TSPAN9: variants seen among roughly 807,000 people sequenced by gnomAD.
TSPAN9 encodes tetraspanin-9.
In TSPAN9, 16 loss-of-function variants were observed where a neutral mutation model predicts 31.0. That is an observed-to-expected ratio of 0.52 (90% CI 0.35 to 0.78). The LOEUF is 0.78. Among genes scored for constraint, TSPAN9 ranks in the 30% least tolerant of loss-of-function variants. The probability of loss-of-function intolerance (pLI) is 0.01; values close to 1 mark genes in which losing one functional copy is unlikely to be tolerated. For missense variants in TSPAN9, 272 were observed against 312.5 expected (o/e 0.87, Z 0.98); for synonymous variants, 145 against 121.6 (o/e 1.19, Z -1.27).
intron 3 of TSPAN9, among the ~76,000 whole-genome samples, chr12:3,207,796 G>A (rs2098376127): frequency 7.0e-6 from 1 of 143,752 alleles, no homozygotes. Context: ...TGGGTGACCG[G>A]CCAAGGAGGA....
At chr12:3,218,108 A>G (rs1034271279) in intron 3 of TSPAN9, among the ~76,000 whole-genome samples, 1 of 152,052 alleles carries the variant, frequency 6.6e-6, no homozygotes, top group Admixed American at 6.5e-5. Context: ...GGATGTGTAC[A>G]GATTTTGGGT....
chr12:3,132,844 C>T (rs544724855), intron 2 of TSPAN9, among the ~76,000 whole-genome samples: 9 of 152,200 alleles, frequency 5.9e-5, no homozygotes, highest in South Asian at 4.2e-4. Flanking sequence ...TCGTCCCCAC[C>T]GCCCGCCTGT....
intron 2 of TSPAN9, among the ~76,000 whole-genome samples, chr12:3,159,202 A>G (rs2098343816): frequency 6.6e-6 from 1 of 151,456 alleles, no homozygotes; most frequent in South Asian, 2.1e-4. Context: ...AGGGTGAAGT[A>G]GAAAGCACAC....
intron 2 of TSPAN9, among the ~76,000 whole-genome samples, chr12:3,165,040 G>A (rs1025366840): frequency 1.3e-5 from 2 of 152,314 alleles, no homozygotes; most frequent in Admixed American, 6.5e-5. Context: ...TGGCCTGGCC[G>A]TAGAGGGGTA....
At chr12:3,117,308 C>T (rs560013476) in intron 2 of TSPAN9, among the ~76,000 whole-genome samples, 2 of 152,156 alleles carry the variant, frequency 1.3e-5, no homozygotes, top group South Asian at 2.1e-4. Context: ...AGGGCAGAGT[C>T]GGTGGTACAT....
At chr12:3,179,556 A>C (rs1038075837) in intron 2 of TSPAN9, among the ~76,000 whole-genome samples, 1 of 152,210 alleles carries the variant, frequency 6.6e-6, no homozygotes, top group Non-Finnish European at 1.5e-5. Context: ...TGAGGCAGAC[A>C]GCTGAGTAGA....
intron 2 of TSPAN9, among the ~76,000 whole-genome samples, chr12:3,152,227 C>T (rs1014691475): frequency 1.3e-5 from 2 of 152,220 alleles, no homozygotes; most frequent in African/African-American, 4.8e-5. Flanking sequence ...CACTTCCCAG[C>T]CCTCCTTGCC....
At position 3,278,441 on chromosome 12, in the gene TSPAN9, G is replaced by T. The variant is rs576639618; in HGVS notation, c.84G>T (p.Leu28=). ...LIFWLCGCGL[L]GVGIWLSVSQ... is the part of the protein sequence containing the mutation. ...TCCAGCTCTGTGGCTGTGGGCTGCT[G>T]GGAGTGGGCATCTGGCTCTCCGTGT... The change falls in exon 4 of 9, where the codon CTG becomes CTT. Residue 28 remains leucine (L), a synonymous_variant. Transcript: ENST00000011898. The T allele has an allele frequency of 6.2e-7, 1 of 1,614,208 alleles. No individual in the cohort carries two copies. Among genetic ancestry groups the T allele is most frequent in the Admixed American group, 1.7e-5 (1 of 60,034 alleles).
chr12:3,141,551 G>A (rs1591645512), intron 2 of TSPAN9, among the ~76,000 whole-genome samples: 1 of 152,120 alleles, frequency 6.6e-6, no homozygotes, highest in East Asian at 1.9e-4. Flanking sequence ...CCGTCACCCA[G>A]TGGCCTGTCC....
rs936911428 is a variant in TSPAN9, at chr12:3,187,804, G to T, written c.-17-13373G>T. Among the ~76,000 whole-genome samples the T allele has an allele frequency of 6.6e-6, 1 of 152,114 alleles. No homozygotes were observed. Among genetic ancestry groups the T allele is most frequent in the Non-Finnish European group, 1.5e-5 (1 of 68,036 alleles). On this transcript the variant is annotated intron_variant, in intron 2 of 8. Transcript: ENST00000011898. This position sits in a 1 kb window ranked among gnomAD's most constrained non-coding sequence, Gnocchi z 5.2. ...CCAACACGTACCCCTTCTCCAAGAA[G>T]CCCTTCCTGATGGGCCAGACTCTCC...
chr12:3,247,347 C>T (rs647066), intron 3 of TSPAN9, among the ~76,000 whole-genome samples: 108,959 of 128,490 alleles, frequency 0.85, 48,195 homozygotes, highest in Non-Finnish European at 0.98. Flanking sequence ...GAGTGCCAGT[C>T]GCCAGATGGT....
intron 2 of TSPAN9, among the ~76,000 whole-genome samples, chr12:3,177,720 A>G (rs1293143827): frequency 2.6e-5 from 4 of 152,244 alleles, no homozygotes; most frequent in Non-Finnish European, 5.9e-5. Flanking sequence ...GGTGTGAGCA[A>G]CCGCACCCAG....
At chr12:3,201,498 C>T (rs1016357857) in intron 3 of TSPAN9, among the ~76,000 whole-genome samples, 45 of 152,224 alleles carry the variant, frequency 3.0e-4, no homozygotes, top group African/African-American at 1.1e-3. Flanking sequence ...TTGCTCTACT[C>T]CTAGGAGGCT....
intron 2 of TSPAN9, among the ~76,000 whole-genome samples, chr12:3,097,547 T>C (rs773467659): frequency 5.9e-5 from 9 of 152,142 alleles, no homozygotes; most frequent in Admixed American, 1.3e-4. Context: ...GAAGGGACTA[T>C]GGCAGGGAGG....
At chr12:3,086,493 T>A (rs937532912) in intron 2 of TSPAN9, among the ~76,000 whole-genome samples, 3 of 152,208 alleles carry the variant, frequency 2.0e-5, no homozygotes, top group Non-Finnish European at 4.4e-5. Flanking sequence ...CCATTTCTAC[T>A]CTCAATGGTC....
At chr12:3,124,310 G>T (rs555663939) in intron 2 of TSPAN9, among the ~76,000 whole-genome samples, 93 of 152,214 alleles carry the variant, frequency 6.1e-4, no homozygotes, top group African/African-American at 2.1e-3. Context: ...TCATAATTCT[G>T]TTCTTTGGAG....
intron 2 of TSPAN9, among the ~76,000 whole-genome samples, chr12:3,115,471 T>A (rs545074809): frequency 6.6e-6 from 1 of 152,356 alleles, no homozygotes; most frequent in African/African-American, 2.4e-5. Context: ...CAGGTGGTCT[T>A]AGCTCAGGCT....
At chr12:3,125,676 C>T (rs1429426056) in intron 2 of TSPAN9, among the ~76,000 whole-genome samples, 4 of 151,672 alleles carry the variant, frequency 2.6e-5, no homozygotes, top group African/African-American at 4.8e-5. Context: ...GAAGAATTTG[C>T]GACTCCTGCC....
chr12:3,150,363 A>G (rs570337920), intron 2 of TSPAN9, among the ~76,000 whole-genome samples: 1 of 152,194 alleles, frequency 6.6e-6, no homozygotes, highest in Non-Finnish European at 1.5e-5. Context: ...GGGGGGCAGG[A>G]ATGGGGAGGG....
Sources: gnomAD v4.1 joint callset for allele counts (sites outside exome capture counted in the v4.1 genomes callset) on GRCh38, gnomAD v4.1.1 for gene constraint, Gnocchi (gnomAD v3.1) non-coding constraint, MANE v1.5 for transcripts, NCBI Gene and HGNC (gene_info 2026-07-23, HGNC 2026-07-21) for gene names.